CHERP: variants seen among roughly 807,000 people sequenced by gnomAD.
The protein encoded by CHERP is calcium homeostasis endoplasmic reticulum protein, also known as ERPROT 213-21.
CHERP carries 8 observed loss-of-function variants against 113.8 expected under a neutral mutation model. The ratio of observed to expected loss-of-function variants is 0.07; its 90% CI spans 0.04 to 0.13. The LOEUF (loss-of-function observed/expected upper bound fraction) is 0.13, where lower values mean the gene tolerates loss of function less well. Ranked by LOEUF, CHERP falls within the 10% of genes least tolerant of loss-of-function variation. The pLI, the probability that CHERP is intolerant of heterozygous loss-of-function variation, is 1.00. For missense variants in CHERP, 884 were observed against 1,298.2 expected (o/e 0.68, Z 4.90); for synonymous variants, 559 against 524.5 (o/e 1.07, Z -0.90).
rs1364945787 is a variant in CHERP, at chr19:16,525,405, G to A, written c.1578C>T (p.Phe526=). 2.0e-6 allele frequency: 3 copies of A among 1,508,122 alleles called. No homozygotes were observed. Among genetic ancestry groups the A allele is most frequent in the Non-Finnish European group, 2.7e-6 (3 of 1,128,336 alleles). The allele number at this position is 1,508,122 out of a possible 1,614,324, so 93.4% of individuals were successfully genotyped here. ...MQRPPHFRGP[F]PPHQQHPQFN... is the part of the protein sequence containing the mutation. ...ACTGCGGGTGCTGCTGGTGGGGCGG[G>A]AAGGGCCCCCGGAAGTGTGGGGGCC... Residue 526 remains phenylalanine, a synonymous_variant, in exon 10 of 17, where the codon TTC becomes TTT. Coordinates refer to ENST00000546361, the MANE Select transcript of CHERP (RefSeq NM_006387.6). The surrounding 1 kb of genome is among the most constrained non-coding windows in gnomAD (Gnocchi z 6.5).
rs745975890 is a variant in CHERP at position 16,542,421 on chromosome 19, C to A, written c.-43G>T. On this transcript the variant is annotated 5_prime_UTR_variant, in exon 1 of 17. Transcript: ENST00000546361. ...ACGTCCTCCGGCGCCACACGATCGA[C>A]CACCAGCGCCGTCTGCGGAAGCCGG... 7.5e-7 allele frequency: 1 copy of A among 1,325,488 alleles called. No homozygotes were observed. The highest frequency in any genetic ancestry group is 9.7e-7 in the Non-Finnish European group (1 of 1,030,158). The allele number at this position is 1,325,488 out of a possible 1,614,324, so 82.1% of individuals were successfully genotyped here.
Position 16,535,348 on chromosome 19 carries a change from G to A in CHERP, c.384+104C>T, listed in dbSNP as rs1276709333. 2.4e-6 allele frequency: 3 copies of A among 1,258,978 alleles called. No homozygotes were observed. Among genetic ancestry groups the A allele is most frequent in the Non-Finnish European group, 2.2e-6 (2 of 906,072 alleles). The allele number at this position is 1,258,978 out of a possible 1,614,324, so 78.0% of individuals were successfully genotyped here. On this transcript the variant is annotated intron_variant, in intron 3 of 16. Coordinates refer to ENST00000546361, the MANE Select transcript of CHERP (RefSeq NM_006387.6). The surrounding 1 kb of genome is among the most constrained non-coding windows in gnomAD (Gnocchi z 4.3). ...CACCGAGCCCTGGGTGGCAGGGGGGGCCCTGTCCTCACTGACACCTGTTAT... is the reference window on the plus strand; with the variant it reads ...CACCGAGCCCTGGGTGGCAGGGGGGACCCTGTCCTCACTGACACCTGTTAT...
At chr19:16,527,111 C>T (rs750611190) in intron 9 of CHERP, among the ~76,000 whole-genome samples, 9 of 152,216 alleles carry the variant, frequency 5.9e-5, no homozygotes, top group Non-Finnish European at 1.0e-4. Flanking sequence ...GCTGGCCTAG[C>T]GGGCACCCTC....
Position 16,532,473 on chromosome 19 carries a change from G to T in CHERP, c.674+125C>A, listed in dbSNP as rs908827668. ...CAGAGACCCCCCACCCGGGGTCCCC[G>T]GACAAGTGCCCCCTAGTCTCGGGAC... On this transcript the variant is annotated intron_variant, in intron 5 of 16. Coordinates refer to ENST00000546361, the MANE Select transcript of CHERP (RefSeq NM_006387.6). The surrounding 1 kb of genome is among the most constrained non-coding windows in gnomAD (Gnocchi z 4.4). 1.2e-5 allele frequency: 15 copies of T among 1,241,658 alleles called. No homozygotes were observed. Among genetic ancestry groups the T allele is most frequent in the South Asian group, 1.6e-5 (1 of 63,222 alleles). 76.9% of individuals were successfully genotyped at this position (1,241,658 alleles called of 1,614,324 possible).
chr19:16,519,579 C>A lies in CHERP; in HGVS notation c.2557+42G>T. On this transcript the variant is annotated intron_variant, in intron 16 of 16. Coordinates refer to ENST00000546361, the MANE Select transcript of CHERP (RefSeq NM_006387.6). The surrounding 1 kb of genome is among the most constrained non-coding windows in gnomAD (Gnocchi z 6.0). ...GCTGGTGACTCCCGGGCCCAGCACG[C>A]GTGAGGACCCATCCCGCGCCCTCCC... 2 of 1,536,092 alleles carry A rather than the reference C, an allele frequency of 1.3e-6. No homozygotes were observed. Among genetic ancestry groups the A allele is most frequent in the Non-Finnish European group, 1.8e-6 (2 of 1,109,386 alleles).
In CHERP at chr19:16,525,461, C is replaced by A. The variant is rs754954539; in HGVS notation, c.1522G>T (p.Gly508Cys). 1 of 1,549,754 alleles carries A rather than the reference C, an allele frequency of 6.5e-7. No individual in the cohort carries two copies. Among genetic ancestry groups the A allele is most frequent in the South Asian group, 1.2e-5 (1 of 83,878 alleles). Residue 508 changes from glycine (G) to cysteine (C), a missense_variant, in exon 10 of 17, where the codon GGC (glycine) becomes TGC (cysteine). Coordinates refer to ENST00000546361, the MANE Select transcript of CHERP (RefSeq NM_006387.6). This position sits in a 1 kb window ranked among gnomAD's most constrained non-coding sequence, Gnocchi z 6.5. ...SQHEQPPWGG[G>C]QREPPFRMQR... ...ATGCGGAAGGGTGGCTCGCGCTGGC[C>A]CCCGCCCCAGGGCGGCTGCTCGTGC... is the stretch of plus-strand genomic sequence containing the variant.
rs2085649047 is a variant in CHERP, at chr19:16,525,228, G to A, written c.1741+14C>T. ...TGCCTCCGCCAGGCCCTACCCAGGC[G>A]CCCGTACACTCACCGGCAGGGAAGT... is the stretch of plus-strand genomic sequence containing the variant. On this transcript the variant is annotated intron_variant, in intron 10 of 16. Transcript: ENST00000546361. The surrounding 1 kb of genome is among the most constrained non-coding windows in gnomAD (Gnocchi z 6.5). The A allele has an allele frequency of 7.1e-7, 1 of 1,410,574 alleles. No individual in the cohort carries two copies. 87.4% of individuals were successfully genotyped at this position (1,410,574 alleles called of 1,614,324 possible).
Position 16,530,835 on chromosome 19 carries a change from G to C in CHERP, c.720C>G (p.Val240=). 1 of 1,613,820 alleles carries C rather than the reference G, an allele frequency of 6.2e-7. No individual in the cohort carries two copies. The highest frequency in any genetic ancestry group is 1.1e-5 in the South Asian group (1 of 91,092). Residue 240 remains valine, a synonymous_variant, in exon 6 of 17, where the codon GTC becomes GTG. Transcript: ENST00000546361. This position sits in a 1 kb window ranked among gnomAD's most constrained non-coding sequence, Gnocchi z 4.1. ...ARELLAALQK[V]VVPIYCTSFL... The stretch of plus-strand genomic sequence containing the variant: ...AGCTGGTGCAGTAGATGGGCACCAC[G>C]ACCTTCTGCAGGGCGGCCAGCAGCT...
rs1030015471 is a variant in CHERP at position 16,532,463 on chromosome 19, C to T, written c.674+135G>A. The T allele has an allele frequency of 2.5e-5, 28 of 1,128,302 alleles. No individual in the cohort carries two copies. Among genetic ancestry groups the T allele is most frequent in the East Asian group, 5.3e-5 (2 of 38,092 alleles). 69.9% of individuals were successfully genotyped at this position (1,128,302 alleles called of 1,614,324 possible). On this transcript the variant is annotated intron_variant, in intron 5 of 16. Coordinates refer to ENST00000546361, the MANE Select transcript of CHERP (RefSeq NM_006387.6). The surrounding 1 kb of genome is among the most constrained non-coding windows in gnomAD (Gnocchi z 4.4). ...TGGTGGCTCACAGAGACCCCCCACCCGGGGTCCCCGGACAAGTGCCCCCTA... is the reference window on the plus strand; with the variant it reads ...TGGTGGCTCACAGAGACCCCCCACCTGGGGTCCCCGGACAAGTGCCCCCTA...
chr19:16,530,949 GCGGCT>G lies in CHERP; in HGVS notation c.675-74_675-70del. 6.4e-7 allele frequency: 1 copy of G among 1,573,714 alleles called. No individual in the cohort carries two copies. The highest frequency in any genetic ancestry group is 8.6e-7 in the Non-Finnish European group (1 of 1,163,640). ...ACCCGGCCACGCGCCCGTTACCATC[GCGGCT>G]CCAGCCTCAGCGCCCTCTGCCTTCT... is the stretch of plus-strand genomic sequence containing the variant. On this transcript the variant is annotated intron_variant, in intron 5 of 16. Transcript: ENST00000546361. The surrounding 1 kb of genome is among the most constrained non-coding windows in gnomAD (Gnocchi z 4.1).
At position 16,528,172 on chromosome 19, in the gene CHERP, G is replaced by T; in HGVS notation, c.1213C>A (p.Pro405Thr). ...GGVQDPAAAGPRGPGPHDQIP... is the reference protein window; with the variant it reads ...GGVQDPAAAGTRGPGPHDQIP... ...TGGTCGTGTGGCCCGGGGCCCCGGG[G>T]GCCGGCAGCTGCAGGATCCTGGACC... The change falls in exon 9 of 17, where the codon CCC (proline) becomes ACC (threonine). Residue 405 changes from proline (P) to threonine (T), a missense_variant. Around this residue, in one of 8 missense-constraint regions of CHERP, gnomAD observed 464 missense variants for 590.1 expected, o/e 0.79. Coordinates refer to ENST00000546361, the MANE Select transcript of CHERP (RefSeq NM_006387.6). 6.2e-7 allele frequency: 1 copy of T among 1,613,166 alleles called. No individual in the cohort carries two copies. Among genetic ancestry groups the T allele is most frequent in the Non-Finnish European group, 8.5e-7 (1 of 1,179,730 alleles).
At chr19:16,541,672 G>T in intron 2 of CHERP, 198 bp downstream of exon 2, 1 of 530,506 alleles carries the variant, frequency 1.9e-6, no homozygotes, top group East Asian at 3.2e-5. Context: ...CGAAAACCTC[G>T]TTGTTCTCCA....
At chr19:16,537,320 C>T (rs1368288243) in intron 2 of CHERP, among the ~76,000 whole-genome samples, 1 of 152,066 alleles carries the variant, frequency 6.6e-6, no homozygotes, top group Non-Finnish European at 1.5e-5. Context: ...CCGTTGGACC[C>T]TCACATGCTG....
chr19:16,532,896 G>T lies in CHERP; in HGVS notation c.522+115C>A. On this transcript the variant is annotated intron_variant, in intron 4 of 16. Transcript: ENST00000546361. The surrounding 1 kb of genome is among the most constrained non-coding windows in gnomAD (Gnocchi z 4.4). ...GGGTCCCACAGCCTCAGGAGCTCCA[G>T]GCGGGAGGGAAGGGCACCCATTGTA... The T allele has an allele frequency of 6.6e-7, 1 of 1,512,742 alleles. No homozygotes were observed. The highest frequency in any genetic ancestry group is 8.9e-7 in the Non-Finnish European group (1 of 1,123,040). 93.7% of individuals were successfully genotyped at this position (1,512,742 alleles called of 1,614,324 possible). A position where few individuals can be genotyped will look rare whatever the true frequency, so the allele number is the denominator to read the frequency against.
rs769631033 is a variant in CHERP at position 16,541,966 on chromosome 19, T to C, written c.103A>G (p.Met35Val). Residue 35 changes from methionine to valine, a missense_variant, in exon 2 of 17, where the codon ATG becomes GTG. Met to Val is a conservative substitution (Grantham distance 21). Around this residue, in one of 8 missense-constraint regions of CHERP, gnomAD observed 17 missense variants for 50.8 expected, o/e 0.33. Coordinates refer to ENST00000546361, the MANE Select transcript of CHERP (RefSeq NM_006387.6). Reference sequence around the variant, plus strand: ...TTGGGGTTGTCCTTCTGCTTCTCCATAGTCATCTTCTCAAACTCGGGCCCA... The same window carrying C: ...TTGGGGTTGTCCTTCTGCTTCTCCACAGTCATCTTCTCAAACTCGGGCCCA... ...RNGPEFEKMT[M>V]EKQKDNPKFS... 2.5e-6 allele frequency: 4 copies of C among 1,614,154 alleles called. No homozygotes were observed. Among genetic ancestry groups the C allele is most frequent in the East Asian group, 2.2e-5 (1 of 44,878 alleles).
chr19:16,532,511 G>A lies in CHERP; in HGVS notation c.674+87C>T. The A allele has an allele frequency of 7.0e-7, 1 of 1,435,184 alleles. No homozygotes were observed. The highest frequency in any genetic ancestry group is 1.4e-5 in the South Asian group (1 of 72,078). 88.9% of individuals were successfully genotyped at this position (1,435,184 alleles called of 1,614,324 possible). On this transcript the variant is annotated intron_variant, in intron 5 of 16. Coordinates refer to ENST00000546361, the MANE Select transcript of CHERP (RefSeq NM_006387.6). This position sits in a 1 kb window ranked among gnomAD's most constrained non-coding sequence, Gnocchi z 4.4. ...CTAGTCTCGGGACAGGCCAAGCCAA[G>A]CTACCGACCGGAGCAAGCGGCCACC...
At chr19:16,539,395 C>A (rs1325460387) in intron 2 of CHERP, among the ~76,000 whole-genome samples, 1 of 152,152 alleles carries the variant, frequency 6.6e-6, no homozygotes, top group Non-Finnish European at 1.5e-5. Context: ...GATCCGCCCG[C>A]CTCGGCCTCC....
Position 16,530,565 on chromosome 19 carries a change from G to A in CHERP, c.876+20C>T, listed in dbSNP as rs2085693894. ...CCGCCCCAGCTCTAGGGTGAGGTGT[G>A]GGTGGGCAGGGACACTCACCTGGTA... On this transcript the variant is annotated intron_variant, in intron 7 of 16. Coordinates refer to ENST00000546361, the MANE Select transcript of CHERP (RefSeq NM_006387.6). The surrounding 1 kb of genome is among the most constrained non-coding windows in gnomAD (Gnocchi z 4.1). 4.3e-6 allele frequency: 7 copies of A among 1,609,274 alleles called. No individual in the cohort carries two copies. In the Admixed American group the frequency reaches 5.0e-5, roughly 11 times the overall value.
intron 1 of CHERP, 79 bp downstream of exon 1, chr19:16,542,274 CG>C: frequency 5.4e-6 from 7 of 1,285,414 alleles, no homozygotes; most frequent in Admixed American, 3.8e-5. Flanking sequence ...CTCCCAGACC[CG>C]GGGACTCCGG....
Sources: allele counts gnomAD v4.1 joint callset (sites outside exome capture counted in the v4.1 genomes callset), GRCh38; gene constraint gnomAD v4.1.1; regional missense constraint gnomAD v4.1.1; non-coding constraint Gnocchi (gnomAD v3.1); transcripts MANE v1.5; gene names NCBI Gene and HGNC (gene_info 2026-07-23, HGNC 2026-07-21).